GUCY1B1: variants seen among roughly 807,000 people sequenced by gnomAD.
GUCY1B1 encodes the protein guanylate cyclase 1 soluble subunit beta 1.
Under a neutral mutation model 71.0 loss-of-function variants are expected in GUCY1B1, and 43 were observed. The ratio of observed to expected loss-of-function variants is 0.61; its 90% CI spans 0.47 to 0.78. The LOEUF (loss-of-function observed/expected upper bound fraction) is 0.78. Among genes scored for constraint, GUCY1B1 ranks in the 30% least tolerant of loss-of-function variants. The probability of loss-of-function intolerance (pLI) is 0.00; values close to 1 mark genes in which losing one functional copy is unlikely to be tolerated. For synonymous variants in GUCY1B1, 266 were observed against 259.7 expected (o/e 1.02, Z -0.23); for missense variants, 535 against 754.1 (o/e 0.71, Z 3.40).
chr4:155,782,196 C>T (rs1296487669), intron 4 of GUCY1B1, among the ~76,000 whole-genome samples: 1 of 152,170 alleles, frequency 6.6e-6, no homozygotes, highest in Non-Finnish European at 1.5e-5. Context: ...CTGCCTCAGC[C>T]GCCCGAGTAG....
intron 3 of GUCY1B1, among the ~76,000 whole-genome samples, chr4:155,776,204 A>G (rs1380506): frequency 0.038 from 5,791 of 152,292 alleles, 378 homozygotes; most frequent in African/African-American, 0.13. Context: ...ATTTTGCCTC[A>G]TGAAAGCCTT....
chr4:155,794,748 A>G (rs1387666916), intron 6 of GUCY1B1, among the ~76,000 whole-genome samples: 8 of 152,188 alleles, frequency 5.3e-5, no homozygotes, highest in Non-Finnish European at 1.2e-4. Flanking sequence ...GGTGAAATGG[A>G]AGCAGAGTAG....
chr4:155,797,505 C>T lies in GUCY1B1; in HGVS notation c.977+995C>T, dbSNP rs182216696. Among the ~76,000 whole-genome samples the T allele has an allele frequency of 5.3e-5, 8 of 151,864 alleles. No individual in the cohort carries two copies. The East Asian group carries it at 7.7e-4, about 15-fold the overall frequency. On this transcript the variant is annotated intron_variant, in intron 8 of 13. Transcript: ENST00000264424. ...CTGTAATCCCAGCACTTTCGGAGGCCGAGGTGGGTGGATCACAAGGTCAGG... is the reference window on the plus strand; with the variant it reads ...CTGTAATCCCAGCACTTTCGGAGGCTGAGGTGGGTGGATCACAAGGTCAGG...
rs761108028 is a variant in GUCY1B1, at chr4:155,804,653, C to T, written c.1615C>T (p.Arg539Ter). Reference sequence around the variant, plus strand: ...AGGTGTCATAGGACAGCGGATGCCTCGATACTGTCTTTTTGGGAATACTGT... The same window carrying T: ...AGGTGTCATAGGACAGCGGATGCCTTGATACTGTCTTTTTGGGAATACTGT... The part of the protein sequence containing the change: ...VTGVIGQRMP[R>*]YCLFGNTVNL... The change falls in exon 12 of 14, where the codon CGA becomes TGA. Residue 539 changes from arginine (R) to a stop codon, truncating the protein, a stop_gained. Coordinates refer to ENST00000264424, the MANE Select transcript of GUCY1B1 (RefSeq NM_000857.5). LOFTEE classifies it high-confidence loss of function. 2 of 1,612,136 alleles carry T rather than the reference C, an allele frequency of 1.2e-6. No homozygotes were observed. The highest frequency in any genetic ancestry group is 1.3e-5 in the African/African-American group (1 of 74,786).
chr4:155,795,304 C>T (rs1739469246), intron 6 of GUCY1B1, 37 bp from the exon 7 acceptor site: 1 of 995,890 alleles, frequency 1.0e-6, no homozygotes, highest in African/African-American at 1.6e-5. Context: ...ACTATTTTAA[C>T]TGATGTGATA....
chr4:155,805,197 T>C lies in GUCY1B1; in HGVS notation c.1804T>C (p.Trp602Arg). ...GGGCAAAAAAGAACCAATGCAAGTT[T>C]GGTTTCTATCCAGAAAAAATACAGG... Reference protein sequence around the residue: ...MKGKKEPMQVWFLSRKNTGTE... With the variant: ...MKGKKEPMQVRFLSRKNTGTE... Residue 602 changes from tryptophan (W) to arginine (R), a missense_variant, in exon 13 of 14, where the codon TGG becomes CGG. Trp to Arg is a moderately radical substitution (Grantham distance 101). Coordinates refer to ENST00000264424, the MANE Select transcript of GUCY1B1 (RefSeq NM_000857.5). 6.2e-7 allele frequency: 1 copy of C among 1,611,346 alleles called. No individual in the cohort carries two copies. The highest frequency in any genetic ancestry group is 1.1e-5 in the South Asian group (1 of 90,702).
chr4:155,806,283 T>G, intron 13 of GUCY1B1, 103 bp from the exon 14 acceptor site: 2 of 701,188 alleles, frequency 2.9e-6, no homozygotes, highest in Non-Finnish European at 5.0e-6. Context: ...ACTGTAGATG[T>G]GAACGTGGAT....
chr4:155,798,729 C>T (rs1211592035), intron 8 of GUCY1B1, among the ~76,000 whole-genome samples: 1 of 151,952 alleles, frequency 6.6e-6, no homozygotes, highest in African/African-American at 2.4e-5. Flanking sequence ...TAAATTTTTT[C>T]CTTTTAGAGT....
chr4:155,786,085 G>T (rs908137191), intron 4 of GUCY1B1, among the ~76,000 whole-genome samples: 3 of 150,018 alleles, frequency 2.0e-5, no homozygotes, highest in African/African-American at 7.4e-5. Context: ...GACATAAGTG[G>T]TGCAAGTCGT....
At chr4:155,767,117 C>G (rs1465532614) in intron 2 of GUCY1B1, among the ~76,000 whole-genome samples, 2 of 152,248 alleles carry the variant, frequency 1.3e-5, no homozygotes, top group African/African-American at 4.8e-5. Flanking sequence ...TTGTAATTAT[C>G]ATGTTATGTG....
chr4:155,768,218 C>A (rs763829355), intron 2 of GUCY1B1, among the ~76,000 whole-genome samples: 4 of 152,110 alleles, frequency 2.6e-5, no homozygotes, highest in Admixed American at 2.6e-4. Context: ...TTGTCATATT[C>A]TTAACTTACT....
chr4:155,781,929 C>G (rs1370182432), intron 4 of GUCY1B1, among the ~76,000 whole-genome samples: 5 of 151,750 alleles, frequency 3.3e-5, no homozygotes, highest in Admixed American at 2.0e-4. Context: ...TATATTTTAC[C>G]TGGGTATATT....
In GUCY1B1 at chr4:155,795,367, G is replaced by A; in HGVS notation, c.753G>A (p.Leu251=). The part of the protein sequence containing the change: ...PQLQPGNCSL[L]SVFSLVRPHI... ...TCCAGCCTGGGAATTGCAGCCTTCT[G>A]TCTGTCTTCTCGCTGGTTCGTCCTC... is the stretch of plus-strand genomic sequence containing the variant. Residue 251 remains leucine, a synonymous_variant, in exon 7 of 14, where the codon CTG becomes CTA. Coordinates refer to ENST00000264424, the MANE Select transcript of GUCY1B1 (RefSeq NM_000857.5). The A allele has an allele frequency of 6.2e-7, 1 of 1,607,432 alleles. No homozygotes were observed. Among genetic ancestry groups the A allele is most frequent in the Non-Finnish European group, 8.5e-7 (1 of 1,174,648 alleles).
At chr4:155,772,418 G>T (rs564762483) in intron 2 of GUCY1B1, among the ~76,000 whole-genome samples, 1 of 152,010 alleles carries the variant, frequency 6.6e-6, no homozygotes, top group Non-Finnish European at 1.5e-5. Context: ...TTGTTTGTTC[G>T]CTTGTTTGTT....
chr4:155,778,041 G>A (rs1038902452), intron 4 of GUCY1B1, among the ~76,000 whole-genome samples: 12 of 151,912 alleles, frequency 7.9e-5, no homozygotes, highest in Admixed American at 2.0e-4. Flanking sequence ...AGATATAATC[G>A]AGCAATGTAT....
At chr4:155,805,449 G>A (rs1431725875) in intron 13 of GUCY1B1, among the ~76,000 whole-genome samples, 1 of 152,108 alleles carries the variant, frequency 6.6e-6, no homozygotes, top group Admixed American at 6.5e-5. Context: ...CTAATGAAAT[G>A]AAAACCAACA....
chr4:155,791,779 C>A (rs374874444), intron 5 of GUCY1B1, among the ~76,000 whole-genome samples: 7 of 144,464 alleles, frequency 4.8e-5, no homozygotes, highest in South Asian at 2.2e-4. Flanking sequence ...AAACGAAAAA[C>A]AAAAAAAAAC....
At chr4:155,772,583 ATT>A in intron 2 of GUCY1B1, 1 of 514,082 alleles carries the variant, frequency 1.9e-6, no homozygotes, top group Non-Finnish European at 3.5e-6. Context: ...CACCTGCCTA[ATT>A]TTTTTTTTAT....
At chr4:155,781,271 CTT>C (rs1474842991) in intron 4 of GUCY1B1, among the ~76,000 whole-genome samples, 2 of 152,096 alleles carry the variant, frequency 1.3e-5, no homozygotes, top group African/African-American at 4.8e-5. Flanking sequence ...GATAATACCT[CTT>C]TTGCTTAAAT....
Sources: gnomAD v4.1 joint callset for allele counts (sites outside exome capture counted in the v4.1 genomes callset) on GRCh38, gnomAD v4.1.1 for gene constraint, MANE v1.5 for transcripts, NCBI Gene and HGNC (gene_info 2026-07-23, HGNC 2026-07-21) for gene names.